The following CNTN3 variants were observed in gnomAD, a reference collection of about 807,000 sequenced individuals.
CNTN3 encodes the protein contactin-3.
In CNTN3, 60 loss-of-function variants were observed where a neutral mutation model predicts 119.1. That is an observed-to-expected ratio of 0.50 (90% CI 0.41 to 0.62). CNTN3 has a LOEUF of 0.62. CNTN3 is among the 20% of genes least tolerant of loss of function. CNTN3 has a pLI of 0.00. For missense variants in CNTN3, 1,101 were observed against 1,242.4 expected (o/e 0.89, Z 1.71); for synonymous variants, 450 against 438.7 (o/e 1.03, Z -0.32).
intron 8 of CNTN3, among the ~76,000 whole-genome samples, chr3:74,366,788 A>G (rs1384626049): frequency 3.2e-5 from 4 of 126,144 alleles, no homozygotes; most frequent in African/African-American, 9.4e-5. Context: ...GTGTATATAT[A>G]TATATATATA....
chr3:74,320,237 T>C (rs1328117148), intron 13 of CNTN3, among the ~76,000 whole-genome samples: 3 of 152,202 alleles, frequency 2.0e-5, no homozygotes, highest in African/African-American at 7.2e-5. Context: ...ATTGCAGCAC[T>C]ATTCACAATA....
intron 11 of CNTN3, among the ~76,000 whole-genome samples, chr3:74,350,716 T>C (rs1018221942): frequency 6.6e-6 from 1 of 152,042 alleles, no homozygotes; most frequent in African/African-American, 2.4e-5. Context: ...ATGGTACATA[T>C]ACAGCATGGA....
chr3:74,490,771 T>G (rs747646270), intron 3 of CNTN3, among the ~76,000 whole-genome samples: 33 of 152,226 alleles, frequency 2.2e-4, no homozygotes, highest in Non-Finnish European at 3.2e-4. Flanking sequence ...GCAAAGACTA[T>G]TATTTTTAAA....
intron 11 of CNTN3, among the ~76,000 whole-genome samples, chr3:74,357,322 TG>T (rs1333761477): frequency 6.7e-6 from 1 of 148,710 alleles, no homozygotes; most frequent in Non-Finnish European, 1.5e-5. Context: ...TCCCTCTTGT[TG>T]CCCAGGCTGG....
chr3:74,501,489 T>C (rs376456823), intron 2 of CNTN3, among the ~76,000 whole-genome samples: 2 of 152,080 alleles, frequency 1.3e-5, no homozygotes, highest in African/African-American at 4.8e-5. Flanking sequence ...CTGATTTTAG[T>C]ATGGATCCTT....
At chr3:74,322,601 A>T (rs1306816057) in intron 13 of CNTN3, among the ~76,000 whole-genome samples, 1 of 152,202 alleles carries the variant, frequency 6.6e-6, no homozygotes, top group African/African-American at 2.4e-5. Context: ...TTACAAAATT[A>T]AACATACTCC....
intron 5 of CNTN3, among the ~76,000 whole-genome samples, chr3:74,417,310 A>G (rs1701539911): frequency 6.6e-6 from 1 of 152,040 alleles, no homozygotes; most frequent in Non-Finnish European, 1.5e-5. Flanking sequence ...TCTCTTGGGG[A>G]GTGGTTTCGG....
chr3:74,442,146 T>TACACACACACAC (rs567314995), intron 4 of CNTN3, among the ~76,000 whole-genome samples: 161 of 124,030 alleles, frequency 1.3e-3, no homozygotes, highest in African/African-American at 4.3e-3. Context: ...TGCATGCAAG[T>TACACACACACAC]ACACACACAC....
At chr3:74,559,492 A>C (rs1462385998) in intron 1 of CNTN3, among the ~76,000 whole-genome samples, 1 of 152,134 alleles carries the variant, frequency 6.6e-6, no homozygotes, top group Non-Finnish European at 1.5e-5. Context: ...CCTTGTGCTT[A>C]CACAGCCTAC....
intron 17 of CNTN3, among the ~76,000 whole-genome samples, chr3:74,298,933 A>G (rs531905927): frequency 4.5e-4 from 69 of 152,010 alleles, no homozygotes; most frequent in Admixed American, 9.8e-4. Context: ...TTTATAAATT[A>G]ATGAATTACA....
rs1705124134 is a variant in CNTN3, at chr3:74,613,874, G to A, written c.-81+517C>T. ...ACAAATAAACGCGACGGGGAACTCC[G>A]TCCCAAGCTGCTGATCTGTGAGTAG... On this transcript the variant is annotated intron_variant, in intron 1 of 22. Transcript: ENST00000263665. Among the ~76,000 whole-genome samples the A allele has an allele frequency of 2.0e-5, 3 of 152,154 alleles. 1 individual carries two copies. The South Asian group carries it at 6.2e-4, about 32-fold the overall frequency.
chr3:74,343,270 C>T (rs191318810), intron 11 of CNTN3, among the ~76,000 whole-genome samples: 34 of 152,268 alleles, frequency 2.2e-4, no homozygotes, highest in Admixed American at 3.9e-4. Flanking sequence ...CCCATTATTG[C>T]GTGGTAAAGA....
At chr3:74,430,899 G>T (rs1469266283) in intron 4 of CNTN3, among the ~76,000 whole-genome samples, 1 of 151,984 alleles carries the variant, frequency 6.6e-6, no homozygotes, top group African/African-American at 2.4e-5. Flanking sequence ...TTACCTACAG[G>T]ATAGAAGTGG....
chr3:74,513,341 T>C (rs570114080), intron 2 of CNTN3, among the ~76,000 whole-genome samples: 54 of 152,252 alleles, frequency 3.5e-4, no homozygotes, highest in Non-Finnish European at 4.4e-4. Flanking sequence ...ATGCCTTAAG[T>C]TCAGCCAATA....
At chr3:74,267,488 T>C (rs1392476326) in intron 20 of CNTN3, 110 bp from the exon 21 acceptor site, 4 of 729,224 alleles carry the variant, frequency 5.5e-6, no homozygotes, top group Middle Eastern at 2.4e-4. Flanking sequence ...ACGGGATGCC[T>C]TTGGTAATGC....
intron 1 of CNTN3, among the ~76,000 whole-genome samples, chr3:74,545,862 C>T (rs1265701975): frequency 1.3e-5 from 2 of 152,150 alleles, no homozygotes; most frequent in African/African-American, 2.4e-5. Context: ...GTAGTCTACA[C>T]TTTATGCATT....
chr3:74,487,658 A>G (rs1324610183), intron 3 of CNTN3, among the ~76,000 whole-genome samples: 1 of 152,188 alleles, frequency 6.6e-6, no homozygotes, highest in African/African-American at 2.4e-5. Context: ...GAGTTCTTCA[A>G]TGATGTTATG....
chr3:74,379,305 G>A (rs934976555), intron 5 of CNTN3, among the ~76,000 whole-genome samples: 5 of 152,044 alleles, frequency 3.3e-5, no homozygotes, highest in South Asian at 2.1e-4. Flanking sequence ...ACAGGTGTCC[G>A]CCACCATGTC....
intron 1 of CNTN3, among the ~76,000 whole-genome samples, chr3:74,536,997 A>AACACACAC (rs10663609): frequency 0.014 from 2,083 of 150,578 alleles, 26 homozygotes; most frequent in African/African-American, 0.029. Flanking sequence ...TTTCATTTAA[A>AACACACAC]ACACACACAC....
Sources: allele counts gnomAD v4.1 joint callset (sites outside exome capture counted in the v4.1 genomes callset), GRCh38; gene constraint gnomAD v4.1.1; transcripts MANE v1.5; gene names NCBI Gene and HGNC (gene_info 2026-07-23, HGNC 2026-07-21).